The following SLC1A1 variants were observed in gnomAD, a reference collection of about 807,000 sequenced individuals.
SLC1A1 encodes solute carrier family 1 member 1, also known as excitatory amino acid transporter 3.
A neutral mutation model predicts 53.3 loss-of-function variants in SLC1A1; 43 were observed. That is an observed-to-expected ratio of 0.81 (90% CI 0.63 to 1.04). The LOEUF (loss-of-function observed/expected upper bound fraction) is 1.04, where lower values mean the gene tolerates loss of function less well. Ranked by LOEUF, SLC1A1 falls within the 50% of genes least tolerant of loss-of-function variation. The probability of loss-of-function intolerance (pLI) is 0.00; values close to 1 mark genes in which losing one functional copy is unlikely to be tolerated. For synonymous variants in SLC1A1, 307 were observed against 243.2 expected (o/e 1.26, Z -2.44); for missense variants, 748 against 664.9 (o/e 1.12, Z -1.37).
In SLC1A1 at chr9:4,526,402, A is replaced by C. The variant is rs115881702; in HGVS notation, c.92-18165A>C. Among the ~76,000 whole-genome samples, 1,098 of 152,334 alleles carry C rather than the reference A, an allele frequency of 7.2e-3. 18 individuals carry two copies. The highest frequency in any genetic ancestry group is 0.026 in the African/African-American group (1,062 of 41,572). On this transcript the variant is annotated intron_variant, in intron 1 of 11. Transcript: ENST00000262352. The stretch of plus-strand genomic sequence containing the variant: ...ACACAAGGCAAGAGAATACATCCAG[A>C]CTGATACCATGTGAGTTAGATTTTT...
At chr9:4,503,442 A>T (rs1181050129) in intron 1 of SLC1A1, among the ~76,000 whole-genome samples, 1 of 151,866 alleles carries the variant, frequency 6.6e-6, no homozygotes, top group Non-Finnish European at 1.5e-5. Flanking sequence ...CAATACATCC[A>T]CAATCACTAA....
rs372588676 is a variant in SLC1A1 at position 4,531,658 on chromosome 9, G to C, written c.92-12909G>C. Reference sequence around the variant, plus strand: ...GGGCAGTGCCAAACAAAAGGCAGCAGAATCCTCTGCAGACTTAAATGTCTC... The same window carrying C: ...GGGCAGTGCCAAACAAAAGGCAGCACAATCCTCTGCAGACTTAAATGTCTC... On this transcript the variant is annotated intron_variant, in intron 1 of 11. Transcript: ENST00000262352. 2.7e-4 allele frequency among the ~76,000 whole-genome samples: 41 copies of C among 152,308 alleles called. No homozygotes were observed. The South Asian group carries it at 8.3e-3, about 31-fold the overall frequency.
intron 1 of SLC1A1, among the ~76,000 whole-genome samples, chr9:4,521,614 T>A (rs937708989): frequency 3.3e-5 from 5 of 152,220 alleles, no homozygotes; most frequent in Non-Finnish European, 7.3e-5. Context: ...CAGCACATTT[T>A]TTCTTGTCAT....
chr9:4,574,121 G>A (rs778230954), intron 8 of SLC1A1, 107 bp downstream of exon 8: 218 of 780,442 alleles, frequency 2.8e-4, no homozygotes, highest in Middle Eastern at 2.6e-3. Flanking sequence ...CCTATGTGCT[G>A]GGAAAGATAG....
intron 4 of SLC1A1, among the ~76,000 whole-genome samples, chr9:4,565,302 T>A (rs1819375632): frequency 1.3e-5 from 2 of 152,212 alleles, no homozygotes. Context: ...GCAACTGGTA[T>A]AAAGAATTTG....
At chr9:4,552,266 A>C (rs1424453872) in intron 2 of SLC1A1, among the ~76,000 whole-genome samples, 1 of 152,226 alleles carries the variant, frequency 6.6e-6, no homozygotes, top group African/African-American at 2.4e-5. Context: ...GTCTTATCTC[A>C]GCAAGAAAGA....
intron 1 of SLC1A1, among the ~76,000 whole-genome samples, chr9:4,493,036 T>C (rs1381643392): frequency 6.6e-6 from 1 of 152,212 alleles, no homozygotes; most frequent in South Asian, 2.1e-4. Context: ...AAGAAGTACA[T>C]GCTCATTTTG....
intron 1 of SLC1A1, among the ~76,000 whole-genome samples, chr9:4,516,797 C>A (rs17755789): frequency 0.034 from 5,116 of 152,230 alleles, 145 homozygotes; most frequent in South Asian, 0.056. Flanking sequence ...ACAATGAACC[C>A]ATTATATGGA....
At chr9:4,559,707 G>T (rs1818749192) in intron 2 of SLC1A1, 1 of 152,080 alleles carries the variant, frequency 6.6e-6, no homozygotes, top group Admixed American at 6.6e-5. Flanking sequence ...AAATGGTTAT[G>T]GGACAACTCA....
chr9:4,544,239 A>C (rs1782397770), intron 1 of SLC1A1, among the ~76,000 whole-genome samples: 1 of 152,176 alleles, frequency 6.6e-6, no homozygotes, highest in Admixed American at 6.6e-5. Flanking sequence ...GTGAATGCAA[A>C]AGAGTTATAC....
At chr9:4,500,650 C>G (rs1018017345) in intron 1 of SLC1A1, among the ~76,000 whole-genome samples, 4 of 152,106 alleles carry the variant, frequency 2.6e-5, no homozygotes, top group African/African-American at 7.2e-5. Flanking sequence ...ATTATACTTG[C>G]TGAGGAACAG....
chr9:4,528,647 G>A (rs1816354482), intron 1 of SLC1A1, among the ~76,000 whole-genome samples: 1 of 152,130 alleles, frequency 6.6e-6, no homozygotes, highest in Non-Finnish European at 1.5e-5. Context: ...TTAAGAAGGT[G>A]GGAAGAAGTA....
At chr9:4,569,111 G>A (rs948782095) in intron 6 of SLC1A1, among the ~76,000 whole-genome samples, 7 of 152,020 alleles carry the variant, frequency 4.6e-5, no homozygotes, top group African/African-American at 1.7e-4. Flanking sequence ...CTACCTCTCT[G>A]GGTCTGCTTA....
At chr9:4,518,182 C>A (rs1035893949) in intron 1 of SLC1A1, among the ~76,000 whole-genome samples, 1 of 139,708 alleles carries the variant, frequency 7.2e-6, no homozygotes, top group Non-Finnish European at 1.5e-5. Context: ...TTGCAGTGAG[C>A]CGAGATCTCA....
intron 1 of SLC1A1, among the ~76,000 whole-genome samples, chr9:4,520,326 G>T (rs1010037474): frequency 5.0e-4 from 76 of 152,286 alleles, no homozygotes; most frequent in African/African-American, 1.8e-3. Flanking sequence ...TGTGATGTCA[G>T]CAGCTTTCCC....
chr9:4,545,814 A>C (rs756941187), intron 2 of SLC1A1, among the ~76,000 whole-genome samples: 4 of 152,204 alleles, frequency 2.6e-5, no homozygotes, highest in Non-Finnish European at 5.9e-5. Flanking sequence ...GATAGAGATG[A>C]ATTTGGTTTA....
chr9:4,571,015 T>C (rs1299724532), intron 6 of SLC1A1, among the ~76,000 whole-genome samples: 1 of 151,966 alleles, frequency 6.6e-6, no homozygotes, highest in Non-Finnish European at 1.5e-5. Context: ...ATAAAGAAAA[T>C]GTGTACATAT....
At chr9:4,547,607 A>T (rs1038692168) in intron 2 of SLC1A1, among the ~76,000 whole-genome samples, 1 of 152,242 alleles carries the variant, frequency 6.6e-6, no homozygotes, top group African/African-American at 2.4e-5. Context: ...TCTGGAGAAC[A>T]GTTTGGAGCA....
At chr9:4,503,114 A>G (rs558512687) in intron 1 of SLC1A1, among the ~76,000 whole-genome samples, 10 of 151,818 alleles carry the variant, frequency 6.6e-5, no homozygotes, top group Non-Finnish European at 1.3e-4. Flanking sequence ...CTACATTCTT[A>G]ACCCTTGATT....
Sources: gnomAD v4.1 joint callset for allele counts (sites outside exome capture counted in the v4.1 genomes callset) on GRCh38, gnomAD v4.1.1 for gene constraint, MANE v1.5 for transcripts, NCBI Gene and HGNC (gene_info 2026-07-23, HGNC 2026-07-21) for gene names.